Variants in MEIS2 observed in about 807,000 individuals in gnomAD.
MEIS2 encodes homeobox protein Meis2.
A neutral mutation model predicts 58.6 loss-of-function variants in MEIS2; 9 were observed. That is an observed-to-expected ratio of 0.15 (90% CI 0.09 to 0.27). The LOEUF is 0.27. MEIS2 is among the 10% of genes least tolerant of loss of function. The pLI is 1.00. For missense variants in MEIS2, 427 were observed against 635.0 expected, an observed-to-expected ratio of 0.67 and a Z score of 3.52; for synonymous variants, 221 against 228.4, an observed-to-expected ratio of 0.97 and a Z score of 0.29.
At chr15:37,081,915 CA>C (rs1443948224) in intron 7 of MEIS2, among the ~76,000 whole-genome samples, 2 of 152,112 alleles carry the variant, frequency 1.3e-5, no homozygotes, top group African/African-American at 4.8e-5. Context: ...TCCTAAAAAA[CA>C]AAACTAACTA....
intron 7 of MEIS2, among the ~76,000 whole-genome samples, chr15:37,046,599 G>A (rs938979597): frequency 1.3e-5 from 2 of 152,188 alleles, no homozygotes; most frequent in Admixed American, 1.3e-4. Flanking sequence ...TGTGAGTGTC[G>A]TAGTATAGTT....
At chr15:36,895,116 C>T in intron 11 of MEIS2, 35 bp downstream of exon 11, 2 of 1,574,920 alleles carry the variant, frequency 1.3e-6, no homozygotes, top group Non-Finnish European at 1.7e-6. Context: ...GTGGCACTTC[C>T]CAGGGAAGCC....
intron 8 of MEIS2, among the ~76,000 whole-genome samples, chr15:37,007,564 A>C (rs529544901): frequency 6.6e-6 from 1 of 152,154 alleles, no homozygotes; most frequent in East Asian, 1.9e-4. Flanking sequence ...TGACTCTTGG[A>C]GTCCACCATA....
At chr15:37,049,329 T>C (rs1350624322) in intron 7 of MEIS2, among the ~76,000 whole-genome samples, 1 of 152,164 alleles carries the variant, frequency 6.6e-6, no homozygotes, top group Non-Finnish European at 1.5e-5. Context: ...AGGTTTCTTT[T>C]GGGGTGATGA....
At chr15:37,100,575 TG>T (rs1894984016), upstream of MEIS2, 1 of 11,008 alleles carries the variant, frequency 9.1e-5, no homozygotes, top group African/African-American at 3.6e-4. Context: ...GCTGGGGGGG[TG>T]GGGGAGGCGG....
At chr15:37,032,681 T>C (rs1249326364) in intron 8 of MEIS2, among the ~76,000 whole-genome samples, 1 of 152,182 alleles carries the variant, frequency 6.6e-6, no homozygotes, top group Admixed American at 6.5e-5. Flanking sequence ...AGGGTAATGG[T>C]ATACAGAAAG....
At chr15:36,900,785 C>T (rs969306353) in intron 9 of MEIS2, among the ~76,000 whole-genome samples, 17 of 152,128 alleles carry the variant, frequency 1.1e-4, no homozygotes, top group African/African-American at 4.1e-4. Context: ...CTTTTTACTC[C>T]GAAGTATGGT....
chr15:36,916,364 T>G (rs566924548), intron 9 of MEIS2, among the ~76,000 whole-genome samples: 11 of 150,658 alleles, frequency 7.3e-5, no homozygotes, highest in African/African-American at 2.7e-4. Context: ...TAGGCAGAGC[T>G]TGCAGTGAGC....
intron 9 of MEIS2, among the ~76,000 whole-genome samples, chr15:36,944,720 G>A (rs1030725475): frequency 6.6e-6 from 1 of 152,194 alleles, no homozygotes; most frequent in South Asian, 2.1e-4. Context: ...CAGAAACATA[G>A]ATGTTACTTG....
At chr15:36,903,590 A>G (rs1465955437) in intron 9 of MEIS2, among the ~76,000 whole-genome samples, 2 of 152,218 alleles carry the variant, frequency 1.3e-5, no homozygotes, top group South Asian at 2.1e-4. Context: ...ATTTAACTCT[A>G]TCAACATAAA....
intron 8 of MEIS2, among the ~76,000 whole-genome samples, chr15:36,980,502 C>T (rs1375437444): frequency 1.3e-5 from 2 of 152,090 alleles, no homozygotes; most frequent in African/African-American, 4.8e-5. Context: ...GAAAACTCCC[C>T]CTTATAATAA....
chr15:36,966,188 C>T (rs2059350659), intron 8 of MEIS2, among the ~76,000 whole-genome samples: 2 of 152,122 alleles, frequency 1.3e-5, no homozygotes, highest in Admixed American at 1.3e-4. Context: ...CAGGAGGAAA[C>T]ATTTGGCCCA....
intron 8 of MEIS2, among the ~76,000 whole-genome samples, chr15:37,008,563 C>T (rs928753986): frequency 1.3e-5 from 2 of 152,090 alleles, no homozygotes; most frequent in African/African-American, 4.8e-5. Flanking sequence ...TTTAAGTACA[C>T]GAAAAGTTGA....
At chr15:36,997,681 C>T (rs2060573377) in intron 8 of MEIS2, among the ~76,000 whole-genome samples, 1 of 151,972 alleles carries the variant, frequency 6.6e-6, no homozygotes, top group African/African-American at 2.4e-5. Flanking sequence ...CGGGGTTTCG[C>T]CGTGTTAGCC....
intron 8 of MEIS2, among the ~76,000 whole-genome samples, chr15:36,994,482 C>T (rs1256591221): frequency 6.6e-6 from 1 of 152,084 alleles, no homozygotes; most frequent in Non-Finnish European, 1.5e-5. Flanking sequence ...CTCCTGAATC[C>T]GTCCAAATTG....
intron 8 of MEIS2, among the ~76,000 whole-genome samples, chr15:37,031,816 T>TGTGTG (rs1491235862): frequency 9.2e-4 from 12 of 13,062 alleles, no homozygotes; most frequent in African/African-American, 2.4e-3. Context: ...TACATCACTT[T>TGTGTG]GTGTGTGTGT....
At chr15:36,921,830 G>A (rs1031302666) in intron 9 of MEIS2, among the ~76,000 whole-genome samples, 1 of 152,114 alleles carries the variant, frequency 6.6e-6, no homozygotes, top group Non-Finnish European at 1.5e-5. Context: ...TGGAAGGCTC[G>A]AGGAAGAGCA....
At chr15:36,930,219 A>AG (rs1555427860) in intron 9 of MEIS2, among the ~76,000 whole-genome samples, 38 of 148,126 alleles carry the variant, frequency 2.6e-4, no homozygotes, top group Middle Eastern at 3.4e-3. Flanking sequence ...AAAAAAAAAA[A>AG]AGAGAGAGAG....
intron 8 of MEIS2, among the ~76,000 whole-genome samples, chr15:36,953,558 C>T (rs1351132812): frequency 6.6e-6 from 1 of 152,060 alleles, no homozygotes; most frequent in Non-Finnish European, 1.5e-5. Context: ...TCATTGTAAC[C>T]TGATAGCAAT....
Sources: gnomAD v4.1 joint callset for allele counts (sites outside exome capture counted in the v4.1 genomes callset) on GRCh38, gnomAD v4.1.1 for gene constraint, MANE v1.5 for transcripts, NCBI Gene and HGNC (gene_info 2026-07-23, HGNC 2026-07-21) for gene names.